The following ZFHX3 variants were observed in gnomAD, a reference collection of about 807,000 sequenced individuals.
ZFHX3 encodes zinc finger homeobox 3, also known as zinc finger homeobox protein 3.
Under a neutral mutation model 279.1 loss-of-function variants are expected in ZFHX3, and 42 were observed. That is an observed-to-expected ratio of 0.15 (90% CI 0.12 to 0.19). The LOEUF (loss-of-function observed/expected upper bound fraction) is 0.19. ZFHX3 is among the 10% of genes least tolerant of loss of function. ZFHX3 has a pLI of 1.00. For missense variants in ZFHX3, 4,981 were observed against 4,754.0 expected (o/e 1.05, Z -1.40); for synonymous variants, 2,293 against 1,957.8 (o/e 1.17, Z -4.52).
intron 1 of ZFHX3, among the ~76,000 whole-genome samples, chr16:73,820,894 G>C (rs1483637612): frequency 6.6e-6 from 1 of 151,812 alleles, no homozygotes; most frequent in African/African-American, 2.4e-5. Context: ...ATTGATCAAA[G>C]GGAATTAACA....
chr16:73,559,455 A>T (rs900594658), intron 2 of ZFHX3, among the ~76,000 whole-genome samples: 3 of 152,082 alleles, frequency 2.0e-5, no homozygotes, highest in African/African-American at 7.2e-5. Context: ...TGATGAAAGC[A>T]CCCTCTTTCA....
At chr16:73,846,672 G>A (rs915155720) in intron 1 of ZFHX3, among the ~76,000 whole-genome samples, 1 of 152,166 alleles carries the variant, frequency 6.6e-6, no homozygotes, top group African/African-American at 2.4e-5. Flanking sequence ...CTACTTACTT[G>A]TGCATGAGAA....
At chr16:73,505,194 T>C (rs1019183503) in intron 2 of ZFHX3, among the ~76,000 whole-genome samples, 4 of 152,124 alleles carry the variant, frequency 2.6e-5, no homozygotes, top group Non-Finnish European at 5.9e-5. Flanking sequence ...ATGAATGTGC[T>C]TGAAAAAATA....
chr16:73,336,801 A>G (rs2015922279), intron 3 of ZFHX3, among the ~76,000 whole-genome samples: 1 of 152,136 alleles, frequency 6.6e-6, no homozygotes, highest in African/African-American at 2.4e-5. Context: ...CGTCTTTGCA[A>G]CCGCATCCCC....
chr16:73,452,246 C>A (rs2018291401), intron 3 of ZFHX3, among the ~76,000 whole-genome samples: 1 of 152,186 alleles, frequency 6.6e-6, no homozygotes, highest in African/African-American at 2.4e-5. Context: ...CCACCTCCTT[C>A]ATGCTGTGAA....
At chr16:73,635,283 C>A (rs2052517316) in intron 2 of ZFHX3, among the ~76,000 whole-genome samples, 1 of 152,184 alleles carries the variant, frequency 6.6e-6, no homozygotes, top group South Asian at 2.1e-4. Flanking sequence ...TGTATTCTAT[C>A]AAATTACTGC....
At chr16:73,757,659 T>C (rs907059763) in intron 1 of ZFHX3, among the ~76,000 whole-genome samples, 2 of 152,110 alleles carry the variant, frequency 1.3e-5, no homozygotes, top group Non-Finnish European at 2.9e-5. Context: ...AACGATATTA[T>C]TATTATGTGA....
chr16:73,225,133 T>C lies in ZFHX3; in HGVS notation c.-1104+31914A>G, dbSNP rs564233886. ...TGCATACATGTTAAAATTAAAAAAT[T>C]ATTAGTGTACTGCCAAGTCTTGTCT... is the stretch of plus-strand genomic sequence containing the variant. On this transcript the variant is annotated intron_variant, in intron 5 of 17. Transcript: ENST00000641206. Among the ~76,000 whole-genome samples the C allele has an allele frequency of 2.6e-5, 4 of 152,258 alleles. No individual in the cohort carries two copies. In the East Asian group the frequency reaches 7.7e-4, roughly 29 times the overall value.
chr16:73,269,200 C>T (rs2014072483), intron 4 of ZFHX3, among the ~76,000 whole-genome samples: 2 of 152,030 alleles, frequency 1.3e-5, no homozygotes, highest in South Asian at 2.1e-4. Context: ...GAAAATTCTC[C>T]CCTTTAAAGT....
intron 8 of ZFHX3, among the ~76,000 whole-genome samples, chr16:73,078,647 G>A (rs1034448476): frequency 6.6e-6 from 1 of 151,138 alleles, no homozygotes; most frequent in Non-Finnish European, 1.5e-5. Context: ...GGCCACTAAA[G>A]AACTTTTTTT....
chr16:73,772,499 T>A (rs2054029543), intron 1 of ZFHX3, among the ~76,000 whole-genome samples: 1 of 152,156 alleles, frequency 6.6e-6, no homozygotes. Context: ...GAATTCAAGA[T>A]GAGATTTAGG....
intron 1 of ZFHX3, among the ~76,000 whole-genome samples, chr16:73,791,023 G>A (rs923978006): frequency 1.2e-4 from 19 of 152,092 alleles, no homozygotes; most frequent in Non-Finnish European, 2.2e-4. Context: ...GGAGTGCAGC[G>A]GCACAATCAC....
intron 1 of ZFHX3, among the ~76,000 whole-genome samples, chr16:73,753,876 C>T (rs1362748670): frequency 6.6e-6 from 1 of 151,952 alleles, no homozygotes; most frequent in East Asian, 1.9e-4. Context: ...GAATCTCTAA[C>T]CCTGTAATTC....
chr16:73,518,060 T>A (rs986963880), intron 2 of ZFHX3, among the ~76,000 whole-genome samples: 1 of 152,216 alleles, frequency 6.6e-6, no homozygotes, highest in Non-Finnish European at 1.5e-5. Flanking sequence ...TCTTTGGTGC[T>A]AAGTTTTTGA....
intron 1 of ZFHX3, among the ~76,000 whole-genome samples, chr16:73,680,620 A>G (rs1049199831): frequency 6.6e-6 from 1 of 152,220 alleles, no homozygotes; most frequent in Admixed American, 6.5e-5. Flanking sequence ...GGATTTTCTC[A>G]TCAGTCTGCA....
intron 3 of ZFHX3, among the ~76,000 whole-genome samples, chr16:73,402,998 A>C (rs1458494627): frequency 6.6e-6 from 1 of 152,186 alleles, no homozygotes; most frequent in African/African-American, 2.4e-5. Flanking sequence ...GGACTAAAGA[A>C]CTGGAAGCAG....
At chr16:73,541,572 C>T (rs777542084) in intron 2 of ZFHX3, among the ~76,000 whole-genome samples, 4 of 152,096 alleles carry the variant, frequency 2.6e-5, no homozygotes, top group Non-Finnish European at 4.4e-5. Flanking sequence ...ATTTATTTGG[C>T]AGATGACCTA....
chr16:72,906,379 G>C (rs1295720693), intron 3 of ZFHX3, among the ~76,000 whole-genome samples: 1 of 151,954 alleles, frequency 6.6e-6, no homozygotes, highest in African/African-American at 2.4e-5. Flanking sequence ...ATCGCACTGG[G>C]GGGGCATGGG....
intron 5 of ZFHX3, among the ~76,000 whole-genome samples, chr16:73,168,211 T>TTTTCTTTGTTTCTTTC (rs1555502324): frequency 7.3e-5 from 7 of 95,312 alleles, no homozygotes; most frequent in Admixed American, 1.2e-4. Context: ...GTTTCTTTTG[T>TTTTCTTTGTTTCTTTC]TTTCTTTCTT....
Sources: gnomAD v4.1 joint callset for allele counts (sites outside exome capture counted in the v4.1 genomes callset) on GRCh38, gnomAD v4.1.1 for gene constraint, MANE v1.5 for transcripts, NCBI Gene and HGNC (gene_info 2026-07-23, HGNC 2026-07-21) for gene names.